The following STAC variants were observed in gnomAD, a reference collection of about 807,000 sequenced individuals.
STAC encodes SH3 and cysteine rich domain, also known as SH3 and cysteine-rich domain-containing protein.
STAC carries 43 observed loss-of-function variants against 48.8 expected under a neutral mutation model. The observed-to-expected ratio is 0.88, with a 90% CI of 0.69 to 1.14. The LOEUF is 1.14. Ranked by LOEUF, STAC falls within the 50% of genes most tolerant of loss-of-function variation. The probability of loss-of-function intolerance (pLI) is 0.00; values close to 1 mark genes in which losing one functional copy is unlikely to be tolerated. For missense variants in STAC, 497 were observed against 504.0 expected (o/e 0.99, Z 0.13); for synonymous variants, 193 against 179.5 (o/e 1.07, Z -0.60).
chr3:36,498,226 C>A (rs1698193888), intron 6 of STAC, among the ~76,000 whole-genome samples: 1 of 151,970 alleles, frequency 6.6e-6, no homozygotes, highest in Admixed American at 6.6e-5. Flanking sequence ...AGTAAACAGG[C>A]AAGCTTGAGG....
intron 2 of STAC, among the ~76,000 whole-genome samples, chr3:36,477,203 A>T (rs1697516297): frequency 6.6e-6 from 1 of 152,206 alleles, no homozygotes; most frequent in South Asian, 2.1e-4. Context: ...CTGGAAGCAG[A>T]CTAATTATTA....
chr3:36,430,162 C>A (rs1211076346), intron 1 of STAC, among the ~76,000 whole-genome samples: 7 of 152,180 alleles, frequency 4.6e-5, no homozygotes, highest in Non-Finnish European at 7.3e-5. Flanking sequence ...AATTACTCAA[C>A]ATAGAATGCC....
At chr3:36,472,419 A>G (rs1388678875) in intron 2 of STAC, among the ~76,000 whole-genome samples, 2 of 152,232 alleles carry the variant, frequency 1.3e-5, no homozygotes, top group East Asian at 3.9e-4. Context: ...GATCCTTGCT[A>G]CTTAAGCAAA....
intron 1 of STAC, among the ~76,000 whole-genome samples, chr3:36,401,350 A>G (rs17035024): frequency 0.2 from 30,350 of 152,188 alleles, 3,173 homozygotes; most frequent in Admixed American, 0.23. Flanking sequence ...TCTTATGCTC[A>G]GTAAAATGCT....
chr3:36,537,866 GA>G (rs1228186960), intron 10 of STAC, among the ~76,000 whole-genome samples: 6 of 151,134 alleles, frequency 4.0e-5, no homozygotes, highest in South Asian at 2.1e-4. Flanking sequence ...AGATCCTCCT[GA>G]AAAAAAATTA....
intron 1 of STAC, among the ~76,000 whole-genome samples, chr3:36,425,830 T>C (rs114882203): frequency 1.9e-3 from 294 of 152,194 alleles, no homozygotes; most frequent in African/African-American, 6.6e-3. Context: ...AGTTTGAAAC[T>C]AGGCTGGGCA....
At chr3:36,471,052 A>T (rs959490593) in intron 2 of STAC, among the ~76,000 whole-genome samples, 3 of 152,168 alleles carry the variant, frequency 2.0e-5, no homozygotes, top group African/African-American at 7.2e-5. Context: ...CATTTTCATG[A>T]TGCTGATAAA....
intron 10 of STAC, among the ~76,000 whole-genome samples, chr3:36,529,500 A>G (rs1261188087): frequency 6.6e-6 from 1 of 152,214 alleles, no homozygotes; most frequent in African/African-American, 2.4e-5. Context: ...TCAGGCTCAT[A>G]AATGAACAAT....
chr3:36,407,261 GAAAC>G (rs1237876497), intron 1 of STAC, among the ~76,000 whole-genome samples: 2 of 151,884 alleles, frequency 1.3e-5, no homozygotes, highest in East Asian at 3.9e-4. Flanking sequence ...AACAAAACAA[GAAAC>G]AAACAAACCA....
chr3:36,497,009 T>A (rs1420089301), intron 6 of STAC, among the ~76,000 whole-genome samples: 1 of 151,000 alleles, frequency 6.6e-6, no homozygotes, highest in Non-Finnish European at 1.5e-5. Flanking sequence ...CACTTTGCAC[T>A]AAAGCAATTT....
At chr3:36,406,504 A>G (rs1700091153) in intron 1 of STAC, among the ~76,000 whole-genome samples, 1 of 152,210 alleles carries the variant, frequency 6.6e-6, no homozygotes, top group Non-Finnish European at 1.5e-5. Context: ...CCTGCAGCCA[A>G]CAATGCTTCA....
intron 1 of STAC, among the ~76,000 whole-genome samples, chr3:36,428,910 C>T (rs1700627402): frequency 2.0e-5 from 3 of 152,042 alleles, no homozygotes; most frequent in Admixed American, 2.0e-4. Context: ...CACTCTTGGC[C>T]ACTTTGAAGG....
intron 2 of STAC, among the ~76,000 whole-genome samples, chr3:36,453,824 G>A (rs1316469112): frequency 6.6e-6 from 1 of 152,162 alleles, no homozygotes; most frequent in Non-Finnish European, 1.5e-5. Context: ...TAAACACACC[G>A]ATCGGCACTC....
chr3:36,488,400 G>A (rs536244661), intron 5 of STAC, among the ~76,000 whole-genome samples: 102 of 152,312 alleles, frequency 6.7e-4, no homozygotes, highest in African/African-American at 2.3e-3. Flanking sequence ...TGACTTACTC[G>A]AGGGTAACTT....
chr3:36,425,878 C>T (rs916677275), intron 1 of STAC, among the ~76,000 whole-genome samples: 15 of 151,944 alleles, frequency 9.9e-5, no homozygotes, highest in East Asian at 3.9e-4. Context: ...AATACAAAAA[C>T]GAAATAGCAA....
At chr3:36,438,887 A>G (rs531358535) in intron 1 of STAC, among the ~76,000 whole-genome samples, 1 of 152,224 alleles carries the variant, frequency 6.6e-6, no homozygotes, top group Non-Finnish European at 1.5e-5. Context: ...CCAAGCAGTG[A>G]CATTTGATGC....
chr3:36,398,320 CAAGAAAGAAAGAAAGAAAGAAAGAAAGA>C (rs71288102), intron 1 of STAC, among the ~76,000 whole-genome samples: 2 of 82,170 alleles, frequency 2.4e-5, no homozygotes, highest in African/African-American at 9.6e-5. Flanking sequence ...AGAAAGAAAG[CAAGAAAGAAAGAAAGAAAGAAAGAAAGA>C]AAGAAAGAAA....
chr3:36,530,896 C>A (rs1699050121), intron 10 of STAC, among the ~76,000 whole-genome samples: 1 of 152,004 alleles, frequency 6.6e-6, no homozygotes, highest in Admixed American at 6.6e-5. Context: ...CTGCACCTGG[C>A]CAATTTACCT....
chr3:36,458,445 C>T (rs1160251558), intron 2 of STAC, among the ~76,000 whole-genome samples: 3 of 152,090 alleles, frequency 2.0e-5, no homozygotes, highest in East Asian at 1.9e-4. Flanking sequence ...CTAGGTCTCC[C>T]GTTGGGATGA....
Sources: gnomAD v4.1 joint callset for allele counts (sites outside exome capture counted in the v4.1 genomes callset) on GRCh38, gnomAD v4.1.1 for gene constraint, MANE v1.5 for transcripts, NCBI Gene and HGNC (gene_info 2026-07-23, HGNC 2026-07-21) for gene names.